Variants in UNC13A observed in about 807,000 individuals in gnomAD.
The protein encoded by UNC13A is unc-13 homolog A.
A neutral mutation model predicts 219.7 loss-of-function variants in UNC13A; 61 were observed. The observed-to-expected ratio is 0.28, with a 90% CI of 0.23 to 0.34. The LOEUF is 0.34. UNC13A is among the 10% of genes least tolerant of loss of function. The pLI, the probability that UNC13A is intolerant of heterozygous loss-of-function variation, is 1.00. For synonymous variants in UNC13A, 920 were observed against 884.6 expected (o/e 1.04, Z -0.71); for missense variants, 1,476 against 2,270.3 (o/e 0.65, Z 7.11).
intron 25 of UNC13A, among the ~76,000 whole-genome samples, chr19:17,637,471 T>A (rs892440018): frequency 5.3e-5 from 8 of 152,066 alleles, no homozygotes; most frequent in Admixed American, 1.3e-4. Context: ...CTAATTTTTT[T>A]GTATTTTTAG....
At chr19:17,636,700 T>C (rs2076915846) in intron 25 of UNC13A, among the ~76,000 whole-genome samples, 1 of 152,218 alleles carries the variant, frequency 6.6e-6, no homozygotes, top group East Asian at 1.9e-4. Flanking sequence ...CCCAATCCGA[T>C]TCTACCTATC....
Position 17,603,996 on chromosome 19 carries a change from G to C in UNC13A, c.*2058C>G, listed in dbSNP as rs1452027941. 6.6e-6 allele frequency: 1 copy of C among 152,232 alleles called. No individual in the cohort carries two copies. Among genetic ancestry groups the C allele is most frequent in the South Asian group, 2.1e-4 (1 of 4,826 alleles). 9.4% of individuals were successfully genotyped at this position (152,232 alleles called of 1,614,324 possible). On this transcript the variant is annotated 3_prime_UTR_variant, in exon 44 of 44. Coordinates refer to ENST00000519716, the MANE Select transcript of UNC13A (RefSeq NM_001080421.3). ...CCAGCTAATTTTTGTATTTTTAGCA[G>C]AGATGGGGTTTCGCCATGTTGGCCA...
chr19:17,655,846 T>C lies in UNC13A; in HGVS notation c.1283+37A>G, dbSNP rs544837242. The C allele has an allele frequency of 2.7e-5, 40 of 1,482,048 alleles. No individual in the cohort carries two copies. The Admixed American group carries it at 8.7e-4, about 32-fold the overall frequency. The allele number at this position is 1,482,048 out of a possible 1,614,324, so 91.8% of individuals were successfully genotyped here. On this transcript the variant is annotated intron_variant, in intron 10 of 43. Transcript: ENST00000519716. The stretch of plus-strand genomic sequence containing the variant: ...TAGCCCTGCTGACCCTGTGACCTTG[T>C]GGCAGCCCCTCTGGCCCCTTGGCCC...
intron 12 of UNC13A, among the ~76,000 whole-genome samples, chr19:17,651,665 G>A (rs572041336): frequency 2.6e-5 from 4 of 152,128 alleles, no homozygotes; most frequent in Admixed American, 6.6e-5. Context: ...ATCTTTTCTC[G>A]GCAGCCTCCC....
intron 21 of UNC13A, among the ~76,000 whole-genome samples, chr19:17,640,939 C>T (rs537840265): frequency 4.8e-5 from 7 of 147,118 alleles, no homozygotes; most frequent in South Asian, 2.1e-4. Flanking sequence ...AGTTTAGTGG[C>T]GCAATCTCGG....
At chr19:17,658,299 G>T in intron 8 of UNC13A, 30 bp from the exon 9 acceptor site, 1 of 1,588,808 alleles carries the variant, frequency 6.3e-7, no homozygotes, top group Non-Finnish European at 8.6e-7. Context: ...TGGGAAGAGG[G>T]TGAGGAAGAG....
intron 41 of UNC13A, among the ~76,000 whole-genome samples, chr19:17,614,883 G>A (rs1349712535): frequency 6.6e-6 from 1 of 152,196 alleles, no homozygotes; most frequent in African/African-American, 2.4e-5. Flanking sequence ...AGACTGGGGT[G>A]CCGGGGGTGC....
intron 42 of UNC13A, 28 bp downstream of exon 42, chr19:17,611,735 C>A (rs2076605909): frequency 6.2e-7 from 1 of 1,600,886 alleles, no homozygotes; most frequent in African/African-American, 1.3e-5. Context: ...TAGAACCTAG[C>A]AAGTCCCTCC....
chr19:17,653,193 G>A (rs1270540395), intron 11 of UNC13A, among the ~76,000 whole-genome samples: 1 of 150,796 alleles, frequency 6.6e-6, no homozygotes, highest in Non-Finnish European at 1.5e-5. Flanking sequence ...GGGGTGTTTG[G>A]TTTTTTTTTA....
intron 42 of UNC13A, among the ~76,000 whole-genome samples, chr19:17,610,524 A>T (rs1208248303): frequency 6.6e-6 from 1 of 152,206 alleles, no homozygotes; most frequent in Non-Finnish European, 1.5e-5. Context: ...CCCTGTCTGA[A>T]ATAAAGACTA....
At chr19:17,682,379 T>C (rs1876545331) in intron 1 of UNC13A, among the ~76,000 whole-genome samples, 1 of 152,238 alleles carries the variant, frequency 6.6e-6, no homozygotes, top group Non-Finnish European at 1.5e-5. Flanking sequence ...ATGCTACTCC[T>C]GTGCCCATTC....
At chr19:17,614,797 C>A (rs905588538) in intron 41 of UNC13A, among the ~76,000 whole-genome samples, 19 of 152,112 alleles carry the variant, frequency 1.2e-4, no homozygotes, top group African/African-American at 4.6e-4. Context: ...CCACCCCCAC[C>A]CCCCGCCACC....
chr19:17,611,158 T>TTA (rs2076599623), intron 42 of UNC13A, among the ~76,000 whole-genome samples: 1 of 152,188 alleles, frequency 6.6e-6, no homozygotes, highest in East Asian at 1.9e-4. Context: ...ACTTAAACTG[T>TTA]TATCCCAGAG....
chr19:17,615,104 C>A (rs769016177), intron 41 of UNC13A, among the ~76,000 whole-genome samples: 1 of 152,218 alleles, frequency 6.6e-6, no homozygotes, highest in Non-Finnish European at 1.5e-5. Flanking sequence ...GTTCCTCGGA[C>A]AAGTGGTTGA....
In UNC13A at chr19:17,674,300, T is replaced by C. The variant is rs1319424567; in HGVS notation, c.152+357A>G. Among the ~76,000 whole-genome samples the C allele has an allele frequency of 6.6e-6, 1 of 152,118 alleles. No homozygotes were observed. Among genetic ancestry groups the C allele is most frequent in the Non-Finnish European group, 1.5e-5 (1 of 68,016 alleles). ...TCACGGGGAAGGCTGTGGGTTTTAT[T>C]GTGAGGTCGATGAGCCACGGACAAG... On this transcript the variant is annotated intron_variant, in intron 3 of 43. Transcript: ENST00000519716. This position sits in a 1 kb window ranked among gnomAD's most constrained non-coding sequence, Gnocchi z 5.0.
intron 11 of UNC13A, among the ~76,000 whole-genome samples, chr19:17,653,359 T>C (rs1340717775): frequency 6.6e-6 from 1 of 151,612 alleles, no homozygotes. Flanking sequence ...GTTTGTTTGT[T>C]TGTTTGAGAC....
rs543364641 is a variant in UNC13A, at chr19:17,684,798, T to C, written c.22+3380A>G. 2.0e-5 allele frequency among the ~76,000 whole-genome samples: 3 copies of C among 152,330 alleles called. No individual in the cohort carries two copies. The East Asian group carries it at 5.8e-4, about 29-fold the overall frequency. On this transcript the variant is annotated intron_variant, in intron 1 of 43. Transcript: ENST00000519716. ...GCATGTGTGCAGAGTATGTGCACCA[T>C]TTAAGTGCAGGTGGGAGTCTGCACA...
chr19:17,672,296 T>C lies in UNC13A; in HGVS notation c.270+82A>G. 3 of 1,088,254 alleles carry C rather than the reference T, an allele frequency of 2.8e-6. No homozygotes were observed. In the Admixed American group the frequency reaches 6.1e-5, roughly 22 times the overall value. The allele number at this position is 1,088,254 out of a possible 1,614,324, so 67.4% of individuals were successfully genotyped here. A position where few individuals can be genotyped will look rare whatever the true frequency, so the allele number is the denominator to read the frequency against. On this transcript the variant is annotated intron_variant, in intron 4 of 43. Coordinates refer to ENST00000519716, the MANE Select transcript of UNC13A (RefSeq NM_001080421.3). Reference sequence around the variant, plus strand: ...ATGTTGTCAGGGGATAGGAGATAAATGCCCATCTTGTTTAGTCCACTGGTC... The same window carrying C: ...ATGTTGTCAGGGGATAGGAGATAAACGCCCATCTTGTTTAGTCCACTGGTC...
At chr19:17,620,856 G>T in intron 37 of UNC13A, 134 bp from the exon 38 acceptor site, 4 of 990,214 alleles carry the variant, frequency 4.0e-6, no homozygotes, top group Non-Finnish European at 6.3e-6. Context: ...GGGTCTAATG[G>T]TGGGCCCCCT....
Sources: gnomAD v4.1 joint callset for allele counts (sites outside exome capture counted in the v4.1 genomes callset) on GRCh38, gnomAD v4.1.1 for gene constraint, Gnocchi (gnomAD v3.1) non-coding constraint, MANE v1.5 for transcripts, NCBI Gene and HGNC (gene_info 2026-07-23, HGNC 2026-07-21) for gene names.